Variants in MAP3K3 observed in about 807,000 individuals in gnomAD.
The protein encoded by MAP3K3 is mitogen-activated protein kinase kinase kinase 3, also known as MAP/ERK kinase kinase 3.
A neutral mutation model predicts 80.9 loss-of-function variants in MAP3K3; 12 were observed. The observed-to-expected ratio is 0.15, with a 90% CI of 0.10 to 0.24. MAP3K3 has a LOEUF of 0.24. MAP3K3 is among the 10% of genes least tolerant of loss of function. MAP3K3 has a pLI of 1.00. For missense variants in MAP3K3, 596 were observed against 834.7 expected, an observed-to-expected ratio of 0.71 and a Z score of 3.52; for synonymous variants, 272 against 307.1, an observed-to-expected ratio of 0.89 and a Z score of 1.19.
At chr17:63,642,999 C>T (rs1258950434) in intron 2 of MAP3K3, among the ~76,000 whole-genome samples, 1 of 151,436 alleles carries the variant, frequency 6.6e-6, no homozygotes, top group Non-Finnish European at 1.5e-5. Flanking sequence ...CTCAAGCAAT[C>T]CTCAAACCTC....
intron 12 of MAP3K3, 105 bp from the exon 13 acceptor site, chr17:63,690,997 C>G (rs1241730968): frequency 1.4e-6 from 2 of 1,409,022 alleles, no homozygotes; most frequent in Admixed American, 1.8e-5. Context: ...CTGCAGTTCC[C>G]AAGGCAGATC....
intron 5 of MAP3K3, among the ~76,000 whole-genome samples, chr17:63,659,120 C>T (rs569045006): frequency 1.3e-5 from 2 of 152,334 alleles, no homozygotes; most frequent in South Asian, 4.1e-4. Flanking sequence ...GATCCACCCA[C>T]TTTAGCCTTG....
intron 4 of MAP3K3, 58 bp from the exon 5 acceptor site, chr17:63,657,736 A>G: frequency 1.4e-6 from 1 of 727,168 alleles, no homozygotes; most frequent in Non-Finnish European, 2.4e-6. Context: ...TGCAAAGTGA[A>G]ACATTGAGAT....
At chr17:63,675,727 T>C (rs2035205335) in intron 6 of MAP3K3, among the ~76,000 whole-genome samples, 1 of 152,212 alleles carries the variant, frequency 6.6e-6, no homozygotes, top group African/African-American at 2.4e-5. Context: ...TTGCTTCAGC[T>C]GGTGGCACAG....
intron 6 of MAP3K3, among the ~76,000 whole-genome samples, chr17:63,670,372 C>T (rs1205822302): frequency 2.6e-5 from 4 of 151,860 alleles, no homozygotes; most frequent in African/African-American, 9.7e-5. Context: ...TGCTTGAGGC[C>T]AGGAGTTTGA....
intron 8 of MAP3K3, among the ~76,000 whole-genome samples, chr17:63,686,519 C>G (rs2035453141): frequency 6.6e-6 from 1 of 152,214 alleles, no homozygotes; most frequent in African/African-American, 2.4e-5. Context: ...CAGGGATTGA[C>G]TCTGGCTTTG....
chr17:63,680,414 T>G (rs2035305891), intron 6 of MAP3K3, among the ~76,000 whole-genome samples: 2 of 152,120 alleles, frequency 1.3e-5, no homozygotes, highest in South Asian at 4.1e-4. Context: ...CTACAAGAAA[T>G]ATTTGTGTGG....
chr17:63,640,122 T>A (rs966665086), intron 2 of MAP3K3, among the ~76,000 whole-genome samples: 1 of 152,072 alleles, frequency 6.6e-6, no homozygotes. Context: ...ATGTTAGAAA[T>A]AGTGACACTG....
chr17:63,654,223 C>T (rs2143362370), intron 4 of MAP3K3, among the ~76,000 whole-genome samples: 1 of 152,178 alleles, frequency 6.6e-6, no homozygotes, highest in Non-Finnish European at 1.5e-5. Context: ...GCAGTTATTC[C>T]CCTTTCTCTC....
At chr17:63,656,191 C>G (rs936487067) in intron 4 of MAP3K3, among the ~76,000 whole-genome samples, 2 of 151,954 alleles carry the variant, frequency 1.3e-5, no homozygotes, top group African/African-American at 4.8e-5. Context: ...GATTGTGCCA[C>G]TGCACTCCAG....
chr17:63,632,865 A>G, intron 2 of MAP3K3, 63 bp downstream of exon 2: 4 of 1,604,170 alleles, frequency 2.5e-6, no homozygotes, highest in Non-Finnish European at 2.6e-6. Flanking sequence ...AATGGGAAAT[A>G]TACGAAAAGC....
chr17:63,667,005 G>A lies in MAP3K3; in HGVS notation c.447G>A (p.Gly149=). The change falls in exon 6 of 16, where the codon GGG becomes GGA. Residue 149 remains glycine, a synonymous_variant. Coordinates refer to ENST00000361733, the MANE Select transcript of MAP3K3 (RefSeq NM_002401.5). ...GGATCAAGGCTTCCCAGTCCGCAGG[G>A]GATATAAATACTATCTACCAGCCCC... is the stretch of plus-strand genomic sequence containing the variant. ...QVRIKASQSA[G]DINTIYQPPE... is the part of the protein sequence containing the mutation. 1.2e-6 allele frequency: 2 copies of A among 1,612,768 alleles called. No homozygotes were observed. The highest frequency in any genetic ancestry group is 1.1e-5 in the South Asian group (1 of 90,778).
chr17:63,628,726 G>A (rs1473678949), intron 1 of MAP3K3, among the ~76,000 whole-genome samples: 1 of 152,026 alleles, frequency 6.6e-6, no homozygotes, highest in Non-Finnish European at 1.5e-5. Context: ...CCTAGAGTTT[G>A]AACACCTTGA....
chr17:63,649,701 C>T (rs2143322417), intron 3 of MAP3K3, among the ~76,000 whole-genome samples: 1 of 152,326 alleles, frequency 6.6e-6, no homozygotes, highest in South Asian at 2.1e-4. Context: ...AGCCACTGTA[C>T]CTGTTCAGGA....
intron 1 of MAP3K3, among the ~76,000 whole-genome samples, chr17:63,627,726 G>A (rs888649147): frequency 1.3e-5 from 2 of 152,000 alleles, no homozygotes; most frequent in Non-Finnish European, 2.9e-5. Flanking sequence ...ACAGGCATGA[G>A]CCATCGTGCC....
intron 5 of MAP3K3, among the ~76,000 whole-genome samples, chr17:63,663,035 G>A (rs896596712): frequency 6.6e-5 from 10 of 151,884 alleles, no homozygotes; most frequent in South Asian, 6.3e-4. Context: ...GTGCCTCCAC[G>A]GTTGGAAATC....
chr17:63,693,336 C>T lies in MAP3K3; in HGVS notation c.1653-213C>T, dbSNP rs1459597479. ...TTCTTTCTGTCAAGTCTAAGTGATT[C>T]TCTTTTTCCTTATTTCAAGAAGTAC... On this transcript the variant is annotated intron_variant, in intron 15 of 15. Coordinates refer to ENST00000361733, the MANE Select transcript of MAP3K3 (RefSeq NM_002401.5). The surrounding 1 kb of genome is among the most constrained non-coding windows in gnomAD (Gnocchi z 4.2). Among the ~76,000 whole-genome samples the T allele has an allele frequency of 2.0e-5, 3 of 152,158 alleles. No individual in the cohort carries two copies. Among genetic ancestry groups the T allele is most frequent in the Non-Finnish European group, 2.9e-5 (2 of 68,008 alleles).
rs2035632350 is a variant in MAP3K3 at position 63,693,373 on chromosome 17, G to A, written c.1653-176G>A. 6.6e-6 allele frequency among the ~76,000 whole-genome samples: 1 copy of A among 152,174 alleles called. No homozygotes were observed. The highest frequency in any genetic ancestry group is 6.5e-5 in the Admixed American group (1 of 15,282). ...ATTTCAAGAAGTACCCAGGTGTGTG[G>A]TGAGTGTAGGTCCATGAAGCCCACG... On this transcript the variant is annotated intron_variant, in intron 15 of 15. Coordinates refer to ENST00000361733, the MANE Select transcript of MAP3K3 (RefSeq NM_002401.5). The surrounding 1 kb of genome is among the most constrained non-coding windows in gnomAD (Gnocchi z 4.2).
Position 63,696,261 on chromosome 17 carries a change from C to T in MAP3K3, c.*2484C>T, listed in dbSNP as rs989772079. 1 of 152,614 alleles carries T rather than the reference C, an allele frequency of 6.6e-6. No homozygotes were observed. The highest frequency in any genetic ancestry group is 1.5e-5 in the Non-Finnish European group (1 of 68,060). 9.5% of individuals were successfully genotyped at this position (152,614 alleles called of 1,614,324 possible). ...TGACCGAGGGCTTGCAGTGCAAAGC[C>T]AGGCCAGTGTTGCGCATTACTTACA... On this transcript the variant is annotated 3_prime_UTR_variant, in exon 16 of 16. Transcript: ENST00000361733.
Sources: allele counts gnomAD v4.1 joint callset (sites outside exome capture counted in the v4.1 genomes callset), GRCh38; gene constraint gnomAD v4.1.1; non-coding constraint Gnocchi (gnomAD v3.1); transcripts MANE v1.5; gene names NCBI Gene and HGNC (gene_info 2026-07-23, HGNC 2026-07-21).